The following RBM38 variants were observed in gnomAD, a reference collection of about 807,000 sequenced individuals.
RBM38 encodes the protein RNA-binding protein 38.
A neutral mutation model predicts 23.5 loss-of-function variants in RBM38; 11 were observed. That is an observed-to-expected ratio of 0.47 (90% CI 0.29 to 0.77). The LOEUF (loss-of-function observed/expected upper bound fraction) is 0.77, where lower values mean the gene tolerates loss of function less well. RBM38 is among the 30% of genes least tolerant of loss of function. The pLI is 0.08. For missense variants in RBM38, 330 were observed against 351.9 expected (o/e 0.94, Z 0.50); for synonymous variants, 165 against 166.1 (o/e 0.99, Z 0.05).
chr20:57,396,367 C>T (rs959154730), intron 3 of RBM38, among the ~76,000 whole-genome samples: 5 of 152,322 alleles, frequency 3.3e-5, no homozygotes, highest in African/African-American at 9.6e-5. Flanking sequence ...TGTCACCTGC[C>T]GGTGGGAGGG....
At chr20:57,393,561 C>T (rs2067243225) in intron 3 of RBM38, among the ~76,000 whole-genome samples, 1 of 152,224 alleles carries the variant, frequency 6.6e-6, no homozygotes, top group South Asian at 2.1e-4. Flanking sequence ...GTACACACCC[C>T]AGCTCCCTTC....
Position 57,392,715 on chromosome 20 carries a change from A to G in RBM38, c.299A>G (p.Asp100Gly). The change falls in exon 2 of 4, where the codon GAC (aspartate) becomes GGC (glycine). Residue 100 changes from aspartate to glycine, a missense_variant. Physicochemically the swap from Asp to Gly is moderately conservative, Grantham distance 94 (BLOSUM62 -1). Coordinates refer to ENST00000356208, the MANE Select transcript of RBM38 (RefSeq NM_017495.6). ...RACKDPNPII[D>G]GRKANVNLAY... ...TGCAAAGACCCGAACCCCATCATCG[A>G]CGGCCGCAAGGCCAACGTGAACCTG... The G allele has an allele frequency of 1.9e-6, 3 of 1,612,920 alleles. No homozygotes were observed. The highest frequency in any genetic ancestry group is 2.5e-6 in the Non-Finnish European group (3 of 1,179,852).
chr20:57,407,727 A>G lies in RBM38; in HGVS notation c.601A>G (p.Ser201Gly), dbSNP rs754580963. The G allele has an allele frequency of 8.7e-6, 14 of 1,611,750 alleles. No individual in the cohort carries two copies. Among genetic ancestry groups the G allele is most frequent in the Admixed American group, 1.7e-5 (1 of 59,952 alleles). The stretch of plus-strand genomic sequence containing the variant: ...CGCCGCCTCGCCTGCCACGGCTGCC[A>G]GCTTCGTGGGCTACAGCTACCCTGC... ...PYAASPATAA[S>G]FVGYSYPAAV... Residue 201 changes from serine (S) to glycine (G), a missense_variant, in exon 4 of 4, where the codon AGC becomes GGC. Transcript: ENST00000356208. This position sits in a 1 kb window ranked among gnomAD's most constrained non-coding sequence, Gnocchi z 4.0.
intron 3 of RBM38, among the ~76,000 whole-genome samples, chr20:57,405,679 G>A (rs2067376455): frequency 6.6e-6 from 1 of 152,230 alleles, no homozygotes; most frequent in Non-Finnish European, 1.5e-5. Flanking sequence ...CTGTAGGGCT[G>A]CAGGATCCAC....
intron 3 of RBM38, among the ~76,000 whole-genome samples, chr20:57,401,683 A>T (rs1181403169): frequency 6.6e-6 from 1 of 152,110 alleles, no homozygotes; most frequent in African/African-American, 2.4e-5. Context: ...TGGACCCCTG[A>T]GGGGTGAGCT....
At chr20:57,396,172 CTT>C (rs1043044721) in intron 3 of RBM38, among the ~76,000 whole-genome samples, 3 of 152,226 alleles carry the variant, frequency 2.0e-5, no homozygotes, top group Non-Finnish European at 4.4e-5. Context: ...TTCCTTGCCT[CTT>C]TTCCTTTTTT....
intron 3 of RBM38, among the ~76,000 whole-genome samples, chr20:57,394,594 G>A (rs749413591): frequency 1.3e-5 from 2 of 152,282 alleles, no homozygotes; most frequent in South Asian, 2.1e-4. Context: ...GGAAGGGAGC[G>A]TGTAGGGTGG....
rs772712182 is a variant in RBM38, at chr20:57,391,837, C to T, written c.237+19C>T. The T allele has an allele frequency of 9.3e-6, 14 of 1,505,458 alleles. No individual in the cohort carries two copies. The highest frequency in any genetic ancestry group is 2.8e-5 in the East Asian group (1 of 35,512). 93.3% of individuals were successfully genotyped at this position (1,505,458 alleles called of 1,614,324 possible). A position where few individuals can be genotyped will look rare whatever the true frequency, so the allele number is the denominator to read the frequency against. On this transcript the variant is annotated intron_variant, in intron 1 of 3. Coordinates refer to ENST00000356208, the MANE Select transcript of RBM38 (RefSeq NM_017495.6). ...CGGCTTCGTAAGTGGCCCCCGCGCC[C>T]GGGCCCGCACCCCGCCGCACACCTT...
chr20:57,392,895 G>A (rs1315873258), intron 2 of RBM38, 118 bp downstream of exon 2: 1 of 1,373,474 alleles, frequency 7.3e-7, no homozygotes, highest in Non-Finnish European at 1.0e-6. Flanking sequence ...GCTATCATGT[G>A]CCTGCAGAGC....
Position 57,407,404 on chromosome 20 carries a change from G to T in RBM38, c.417-139G>T, listed in dbSNP as rs1198510609. 1.0e-6 allele frequency: 1 copy of T among 965,308 alleles called. No homozygotes were observed. Among genetic ancestry groups the T allele is most frequent in the Non-Finnish European group, 1.6e-6 (1 of 641,192 alleles). The allele number at this position is 965,308 out of a possible 1,614,324, so 59.8% of individuals were successfully genotyped here. On this transcript the variant is annotated intron_variant, in intron 3 of 3. Transcript: ENST00000356208. This position sits in a 1 kb window ranked among gnomAD's most constrained non-coding sequence, Gnocchi z 4.0. ...TTGAGGCGGCAGCATCTGGCCAGGT[G>T]CTGTTTCTGTGCCCATCTGACCGAT...
intron 3 of RBM38, among the ~76,000 whole-genome samples, chr20:57,398,886 ACT>A (rs893962876): frequency 6.6e-6 from 1 of 152,094 alleles, no homozygotes; most frequent in Non-Finnish European, 1.5e-5. Flanking sequence ...CAGGCTGATA[ACT>A]CTGCAGTGTG....
intron 3 of RBM38, among the ~76,000 whole-genome samples, chr20:57,401,188 A>G (rs990563586): frequency 3.9e-5 from 6 of 152,178 alleles, no homozygotes; most frequent in Admixed American, 1.3e-4. Context: ...AGCATTCCTC[A>G]GGCCCAAGGA....
intron 3 of RBM38, among the ~76,000 whole-genome samples, chr20:57,401,490 G>C (rs913363615): frequency 6.6e-6 from 1 of 152,242 alleles, no homozygotes. Context: ...CATTCCACGG[G>C]GGGGCTCTTT....
chr20:57,404,949 G>A (rs1033601158), intron 3 of RBM38, among the ~76,000 whole-genome samples: 5 of 152,316 alleles, frequency 3.3e-5, no homozygotes, highest in Admixed American at 1.3e-4. Flanking sequence ...CAGCAGACCC[G>A]GCCGCCCCCA....
intron 3 of RBM38, among the ~76,000 whole-genome samples, chr20:57,400,829 G>T (rs2067320199): frequency 6.6e-6 from 1 of 152,172 alleles, no homozygotes; most frequent in East Asian, 1.9e-4. Flanking sequence ...TCTGAGGCCG[G>T]AACTTGGAAG....
chr20:57,392,436 T>G, intron 1 of RBM38: 1 of 1,530,016 alleles, frequency 6.5e-7, no homozygotes, highest in South Asian at 1.2e-5. Flanking sequence ...TTCCCAGGCC[T>G]TGAACTTTGA....
In RBM38 at chr20:57,409,059, G is replaced by C. The variant is rs2067418660; in HGVS notation, c.*1213G>C. On this transcript the variant is annotated 3_prime_UTR_variant, in exon 4 of 4. Coordinates refer to ENST00000356208, the MANE Select transcript of RBM38 (RefSeq NM_017495.6). The stretch of plus-strand genomic sequence containing the variant: ...GTCTTGGGGGTTGGTGGAGGGTGGA[G>C]GCAGTTCTGCCAGCCGTGGCAGGGC... 1 of 152,814 alleles carries C rather than the reference G, an allele frequency of 6.5e-6. No homozygotes were observed. Among genetic ancestry groups the C allele is most frequent in the Non-Finnish European group, 1.5e-5 (1 of 68,200 alleles). 9.5% of individuals were successfully genotyped at this position (152,814 alleles called of 1,614,324 possible). A position where few individuals can be genotyped will look rare whatever the true frequency, so the allele number is the denominator to read the frequency against.
At chr20:57,401,314 A>G (rs1451355093) in intron 3 of RBM38, among the ~76,000 whole-genome samples, 1 of 152,112 alleles carries the variant, frequency 6.6e-6, no homozygotes, top group Non-Finnish European at 1.5e-5. Context: ...GCCGCCAGGC[A>G]CCTGGTCGGG....
intron 3 of RBM38, among the ~76,000 whole-genome samples, chr20:57,401,095 G>C (rs1015167522): frequency 6.6e-6 from 1 of 152,228 alleles, no homozygotes. Flanking sequence ...CCGCTGGTCT[G>C]TTTTGCTCAC....
Sources: gnomAD v4.1 joint callset for allele counts (sites outside exome capture counted in the v4.1 genomes callset) on GRCh38, gnomAD v4.1.1 for gene constraint, Gnocchi (gnomAD v3.1) non-coding constraint, MANE v1.5 for transcripts, NCBI Gene and HGNC (gene_info 2026-07-23, HGNC 2026-07-21) for gene names.